Variants in MEI4 observed in about 807,000 individuals in gnomAD.
MEI4 encodes the protein meiotic double-stranded break formation protein 4.
MEI4 carries 27 observed loss-of-function variants against 31.4 expected under a neutral mutation model. The ratio of observed to expected loss-of-function variants is 0.86; its 90% confidence interval spans 0.63 to 1.19. The LOEUF (loss-of-function observed/expected upper bound fraction) is 1.19, where lower values mean the gene tolerates loss of function less well. Ranked by LOEUF, MEI4 falls within the 50% of genes most tolerant of loss-of-function variation. The pLI is 0.00. For missense variants in MEI4, 329 were observed against 398.9 expected (o/e 0.82, Z 1.49); for synonymous variants, 122 against 145.4 (o/e 0.84, Z 1.16).
intron 3 of MEI4, among the ~76,000 whole-genome samples, chr6:77,794,269 T>G (rs1401765373): frequency 6.6e-6 from 1 of 152,098 alleles, no homozygotes; most frequent in Non-Finnish European, 1.5e-5. Context: ...TAACATTTAA[T>G]AATCTAACAT....
At chr6:77,687,618 G>T (rs551471134) in intron 1 of MEI4, among the ~76,000 whole-genome samples, 1 of 152,182 alleles carries the variant, frequency 6.6e-6, no homozygotes, top group South Asian at 2.1e-4. Flanking sequence ...TTATTCAGAG[G>T]TTCTCACAAC....
intron 4 of MEI4, among the ~76,000 whole-genome samples, chr6:77,920,738 G>A (rs1039541838): frequency 6.6e-6 from 1 of 151,854 alleles, no homozygotes; most frequent in East Asian, 1.9e-4. Context: ...CAAAATAGAT[G>A]TGTTTGTAGA....
chr6:77,722,007 C>T (rs1427253079), intron 2 of MEI4, among the ~76,000 whole-genome samples: 1 of 124,424 alleles, frequency 8.0e-6, no homozygotes, highest in Non-Finnish European at 1.7e-5. Flanking sequence ...TTAAGCATTC[C>T]CTGAGGTAAC....
intron 3 of MEI4, among the ~76,000 whole-genome samples, chr6:77,798,456 T>C (rs1460942928): frequency 6.6e-6 from 1 of 151,234 alleles, no homozygotes; most frequent in African/African-American, 2.4e-5. Context: ...CTATATGCTA[T>C]TTATAGATGA....
intron 2 of MEI4, among the ~76,000 whole-genome samples, chr6:77,744,372 A>G (rs1032086385): frequency 8.5e-5 from 13 of 152,278 alleles, no homozygotes; most frequent in African/African-American, 2.6e-4. Flanking sequence ...GGTATCAGTG[A>G]TGGAAGATGA....
intron 3 of MEI4, among the ~76,000 whole-genome samples, chr6:77,816,472 A>G (rs776306478): frequency 3.9e-5 from 6 of 152,086 alleles, no homozygotes; most frequent in Non-Finnish European, 7.4e-5. Flanking sequence ...AATACATTTC[A>G]TCCTTTTTTA....
At chr6:77,696,470 A>T (rs889478223) in intron 2 of MEI4, among the ~76,000 whole-genome samples, 2 of 152,188 alleles carry the variant, frequency 1.3e-5, no homozygotes, top group African/African-American at 2.4e-5. Context: ...AGTTTTTAGC[A>T]TGAAGGGTTG....
chr6:77,851,568 G>A (rs1163026654), intron 4 of MEI4, among the ~76,000 whole-genome samples: 3 of 145,464 alleles, frequency 2.1e-5, no homozygotes, highest in African/African-American at 5.1e-5. Flanking sequence ...TCGCTCATAG[G>A]TGGGAATTGA....
chr6:77,669,236 C>T (rs540674626), intron 1 of MEI4, among the ~76,000 whole-genome samples: 4 of 151,636 alleles, frequency 2.6e-5, no homozygotes, highest in East Asian at 3.9e-4. Context: ...TGTGTGTGTG[C>T]GTACATACAC....
At chr6:77,827,256 G>A (rs1378763296) in intron 3 of MEI4, among the ~76,000 whole-genome samples, 3 of 151,060 alleles carry the variant, frequency 2.0e-5, no homozygotes, top group Admixed American at 2.0e-4. Flanking sequence ...GCTACATTGG[G>A]AGGCTGAGGC....
chr6:77,840,896 A>C (rs1036213596), intron 4 of MEI4, among the ~76,000 whole-genome samples: 1 of 152,212 alleles, frequency 6.6e-6, no homozygotes, highest in African/African-American at 2.4e-5. Flanking sequence ...ATAAACTGTC[A>C]ACCTAGAATT....
At chr6:77,733,259 G>T (rs1220057975) in intron 2 of MEI4, among the ~76,000 whole-genome samples, 1 of 151,938 alleles carries the variant, frequency 6.6e-6, no homozygotes, top group Non-Finnish European at 1.5e-5. Flanking sequence ...TCTGATCCTG[G>T]ACTCTTTTTG....
intron 2 of MEI4, among the ~76,000 whole-genome samples, chr6:77,710,407 A>C (rs1393003383): frequency 4.6e-5 from 7 of 151,302 alleles, no homozygotes; most frequent in South Asian, 2.1e-4. Flanking sequence ...CTGTAGTCCC[A>C]GCTACTTGGG....
intron 4 of MEI4, among the ~76,000 whole-genome samples, chr6:77,885,211 G>A (rs1487467177): frequency 6.7e-6 from 1 of 148,590 alleles, no homozygotes; most frequent in Non-Finnish European, 1.5e-5. Context: ...TTTGAGACAG[G>A]GGCTAACTCT....
At position 77,923,418 on chromosome 6, in the gene MEI4, GA is replaced by G; in HGVS notation, c.*73del. The G allele has an allele frequency of 9.1e-7, 1 of 1,103,056 alleles. No homozygotes were observed. Among genetic ancestry groups the G allele is most frequent in the Non-Finnish European group, 1.1e-6 (1 of 872,208 alleles). The allele number at this position is 1,103,056 out of a possible 1,614,324, so 68.3% of individuals were successfully genotyped here. On this transcript the variant is annotated 3_prime_UTR_variant, in exon 5 of 5. Coordinates refer to ENST00000684080, the MANE Select transcript of MEI4 (RefSeq NM_001322247.2). ...ATATATGAAAATCTCATACTGAAAA[GA>G]TTTTCAATAGTATTTTAATTAGCAT... is the stretch of plus-strand genomic sequence containing the variant.
At chr6:77,697,732 G>A (rs944856913) in intron 2 of MEI4, among the ~76,000 whole-genome samples, 12 of 151,904 alleles carry the variant, frequency 7.9e-5, no homozygotes, top group Non-Finnish European at 4.4e-5. Context: ...GCTGAAAAAA[G>A]TATATATTCT....
At chr6:77,792,379 T>C (rs1768960120) in intron 3 of MEI4, among the ~76,000 whole-genome samples, 1 of 152,166 alleles carries the variant, frequency 6.6e-6, no homozygotes, top group East Asian at 1.9e-4. Context: ...GGGGAATCTT[T>C]ATAATGTTTT....
intron 3 of MEI4, among the ~76,000 whole-genome samples, chr6:77,808,862 T>C (rs889671154): frequency 1.3e-5 from 2 of 152,312 alleles, no homozygotes; most frequent in East Asian, 3.9e-4. Context: ...TTTTCAAGGC[T>C]GTCCTAAGTT....
At chr6:77,836,361 T>C (rs1365417980) in intron 4 of MEI4, among the ~76,000 whole-genome samples, 4 of 152,148 alleles carry the variant, frequency 2.6e-5, no homozygotes, top group African/African-American at 7.2e-5. Flanking sequence ...TGCATACTTA[T>C]ATTAAATACT....
Sources: allele counts gnomAD v4.1 joint callset (sites outside exome capture counted in the v4.1 genomes callset), GRCh38; gene constraint gnomAD v4.1.1; transcripts MANE v1.5; gene names NCBI Gene and HGNC (gene_info 2026-07-23, HGNC 2026-07-21).